WWOX: variants seen among roughly 807,000 people sequenced by gnomAD.
WWOX encodes the protein WW domain containing oxidoreductase, also known as WW domain-containing oxidoreductase.
Under a neutral mutation model 46.2 loss-of-function variants are expected in WWOX, and 69 were observed. The observed-to-expected ratio is 1.49, with a 90% confidence interval of 1.23 to 1.82. The LOEUF is 1.82. Ranked by LOEUF, WWOX falls within the 40% of genes most tolerant of loss-of-function variation. The pLI is 0.00. For missense variants in WWOX, 919 were observed against 542.6 expected (o/e 1.69, Z -6.89); for synonymous variants, 359 against 202.6 (o/e 1.77, Z -6.56).
At chr16:78,234,300 G>T (rs1161842092) in intron 5 of WWOX, among the ~76,000 whole-genome samples, 1 of 151,912 alleles carries the variant, frequency 6.6e-6, no homozygotes, top group Non-Finnish European at 1.5e-5. Flanking sequence ...TATTCATTTT[G>T]ATGTAGGCCT....
intron 8 of WWOX, among the ~76,000 whole-genome samples, chr16:78,599,709 G>T (rs2045575785): frequency 6.6e-6 from 1 of 152,202 alleles, no homozygotes; most frequent in Non-Finnish European, 1.5e-5. Context: ...GATGCCTTGT[G>T]TTTAGGAAGT....
chr16:78,424,583 C>G (rs189423786), intron 6 of WWOX, among the ~76,000 whole-genome samples: 56 of 152,304 alleles, frequency 3.7e-4, no homozygotes, highest in Middle Eastern at 3.4e-3. Context: ...CGCAGATTGC[C>G]TGCTGCTGTC....
intron 6 of WWOX, among the ~76,000 whole-genome samples, chr16:78,392,115 G>C (rs982538301): frequency 2.0e-5 from 3 of 151,904 alleles, no homozygotes; most frequent in African/African-American, 7.3e-5. Context: ...GCCGTGGCCT[G>C]TTATAAATTG....
intron 8 of WWOX, among the ~76,000 whole-genome samples, chr16:78,739,980 G>C (rs950913315): frequency 1.3e-5 from 2 of 151,952 alleles, no homozygotes; most frequent in African/African-American, 4.8e-5. Context: ...TTATCTCACC[G>C]GTGGAGACAT....
chr16:78,414,696 G>A (rs1309175819), intron 6 of WWOX, among the ~76,000 whole-genome samples: 3 of 152,200 alleles, frequency 2.0e-5, no homozygotes, highest in Non-Finnish European at 2.9e-5. Flanking sequence ...AGGAATAACG[G>A]CTGGTAATTA....
At chr16:78,987,012 G>C (rs1476783657) in intron 8 of WWOX, among the ~76,000 whole-genome samples, 2 of 152,110 alleles carry the variant, frequency 1.3e-5, no homozygotes, top group Non-Finnish European at 2.9e-5. Flanking sequence ...AGAGGGATCA[G>C]AGGAGGCTGG....
At chr16:78,376,209 T>A (rs575928355) in intron 5 of WWOX, among the ~76,000 whole-genome samples, 1 of 152,162 alleles carries the variant, frequency 6.6e-6, no homozygotes, top group Non-Finnish European at 1.5e-5. Flanking sequence ...GATTGTTCTG[T>A]AATTTCTGTT....
intron 8 of WWOX, among the ~76,000 whole-genome samples, chr16:78,993,425 C>T (rs930519850): frequency 4.6e-5 from 7 of 152,134 alleles, no homozygotes; most frequent in Non-Finnish European, 2.9e-5. Flanking sequence ...CCTCTCCTCT[C>T]GGACATGACA....
chr16:78,673,534 T>G (rs1001171472), intron 8 of WWOX, among the ~76,000 whole-genome samples: 1 of 152,090 alleles, frequency 6.6e-6, no homozygotes, highest in Non-Finnish European at 1.5e-5. Flanking sequence ...CATACTTGAT[T>G]GGAAAGAGAA....
intron 5 of WWOX, among the ~76,000 whole-genome samples, chr16:78,365,241 A>C (rs2081507647): frequency 6.6e-6 from 1 of 152,190 alleles, no homozygotes; most frequent in South Asian, 2.1e-4. Flanking sequence ...ACCTTCTGAC[A>C]TTATCAGTGT....
intron 5 of WWOX, among the ~76,000 whole-genome samples, chr16:78,248,150 T>G (rs929764607): frequency 6.6e-6 from 1 of 152,126 alleles, no homozygotes; most frequent in South Asian, 2.1e-4. Context: ...TTTAATTGGC[T>G]CACAGTTCCA....
intron 8 of WWOX, among the ~76,000 whole-genome samples, chr16:79,008,138 T>G (rs980335221): frequency 1.3e-5 from 2 of 152,182 alleles, no homozygotes; most frequent in African/African-American, 4.8e-5. Flanking sequence ...ACTGTAGGAC[T>G]GAGGTGCTTG....
chr16:78,315,045 T>C (rs2080332342), intron 5 of WWOX, among the ~76,000 whole-genome samples: 1 of 152,230 alleles, frequency 6.6e-6, no homozygotes, highest in South Asian at 2.1e-4. Context: ...TCTGTCTCCA[T>C]CCACCATCTA....
intron 8 of WWOX, among the ~76,000 whole-genome samples, chr16:78,491,210 T>C (rs958030339): frequency 1.3e-5 from 2 of 152,192 alleles, no homozygotes; most frequent in African/African-American, 4.8e-5. Context: ...AGACCTTTAC[T>C]CACCTGGGCC....
intron 8 of WWOX, among the ~76,000 whole-genome samples, chr16:79,072,958 T>C (rs373107053): frequency 6.6e-6 from 1 of 152,134 alleles, no homozygotes; most frequent in South Asian, 2.1e-4. Context: ...CTCCGGGTCA[T>C]TGACAAACGT....
At chr16:78,947,704 C>G (rs1342334499) in intron 8 of WWOX, among the ~76,000 whole-genome samples, 2 of 152,168 alleles carry the variant, frequency 1.3e-5, no homozygotes, top group Non-Finnish European at 2.9e-5. Context: ...CCTCACTTAG[C>G]CCCTTCAGAA....
intron 8 of WWOX, among the ~76,000 whole-genome samples, chr16:78,650,419 G>T (rs1349890188): frequency 6.6e-6 from 1 of 152,164 alleles, no homozygotes; most frequent in Non-Finnish European, 1.5e-5. Context: ...TCACCTGTGT[G>T]AAATTGGTGT....
chr16:78,991,840 C>G (rs537536914), intron 8 of WWOX, among the ~76,000 whole-genome samples: 1 of 152,298 alleles, frequency 6.6e-6, no homozygotes, highest in East Asian at 1.9e-4. Flanking sequence ...ACCATCATCA[C>G]TGCTTCAGAC....
intron 8 of WWOX, among the ~76,000 whole-genome samples, chr16:79,170,578 T>G (rs2050680662): frequency 6.6e-6 from 1 of 151,160 alleles, no homozygotes; most frequent in South Asian, 2.1e-4. Flanking sequence ...GAGCAAATGA[T>G]TGCTTGATTC....
Sources: gnomAD v4.1 joint callset for allele counts (sites outside exome capture counted in the v4.1 genomes callset) on GRCh38, gnomAD v4.1.1 for gene constraint, MANE v1.5 for transcripts, NCBI Gene and HGNC (gene_info 2026-07-23, HGNC 2026-07-21) for gene names.